The following PAX3 variants were observed in gnomAD, a reference collection of about 807,000 sequenced individuals.
PAX3 encodes the protein paired box protein Pax-3.
Under a neutral mutation model 51.6 loss-of-function variants are expected in PAX3, and 14 were observed. The observed-to-expected ratio is 0.27, with a 90% CI of 0.18 to 0.42. The LOEUF (loss-of-function observed/expected upper bound fraction) is 0.42, where lower values mean the gene tolerates loss of function less well. Among genes scored for constraint, PAX3 ranks in the 10% least tolerant of loss-of-function variants. The probability of loss-of-function intolerance (pLI) is 1.00; values close to 1 mark genes in which losing one functional copy is unlikely to be tolerated. For missense variants in PAX3, 540 were observed against 642.8 expected (o/e 0.84, Z 1.73); for synonymous variants, 280 against 253.4 (o/e 1.11, Z -1.00).
At chr2:222,279,684 T>C (rs1694567094) in intron 4 of PAX3, among the ~76,000 whole-genome samples, 1 of 152,216 alleles carries the variant, frequency 6.6e-6, no homozygotes, top group Non-Finnish European at 1.5e-5. Flanking sequence ...ATTGTCTTAC[T>C]TAATGAATTT....
At chr2:222,266,395 T>G (rs918424744) in intron 4 of PAX3, among the ~76,000 whole-genome samples, 2 of 152,194 alleles carry the variant, frequency 1.3e-5, no homozygotes, top group Non-Finnish European at 1.5e-5. Context: ...TTATCACAAT[T>G]TTATAAGGCA....
At chr2:222,219,900 T>G (rs1692116633) in intron 7 of PAX3, among the ~76,000 whole-genome samples, 1 of 152,162 alleles carries the variant, frequency 6.6e-6, no homozygotes, top group African/African-American at 2.4e-5. Flanking sequence ...CAGCTAAATA[T>G]GAACACAAAG....
intron 2 of PAX3, among the ~76,000 whole-genome samples, chr2:222,295,900 G>A (rs1044032506): frequency 6.6e-6 from 1 of 152,178 alleles, no homozygotes; most frequent in African/African-American, 2.4e-5. Context: ...CCAGACAACC[G>A]GGATAAATTC....
At chr2:222,295,313 C>G (rs1013368300) in intron 3 of PAX3, among the ~76,000 whole-genome samples, 1 of 152,180 alleles carries the variant, frequency 6.6e-6, no homozygotes, top group Non-Finnish European at 1.5e-5. Flanking sequence ...GCGTCCTCAG[C>G]GGTGGTCTCG....
chr2:222,293,926 G>C, intron 4 of PAX3: 1 of 1,402,390 alleles, frequency 7.1e-7, no homozygotes, highest in Admixed American at 3.1e-5. Context: ...CCCAGGGGCT[G>C]AAAGTGGTTA....
intron 7 of PAX3, among the ~76,000 whole-genome samples, chr2:222,206,577 C>T (rs1333852218): frequency 1.3e-5 from 2 of 152,124 alleles, no homozygotes; most frequent in Non-Finnish European, 2.9e-5. Flanking sequence ...TTCTGAAGAT[C>T]TCTTTAAACT....
At position 222,295,567 on chromosome 2, in the gene PAX3, G is replaced by A. The variant is rs1305407286; in HGVS notation, c.412C>T (p.Leu138Phe). ...TTTCGATCACAGACCGCGTCCTTGAGTAATTTGTCTCGGATTTCCCAGCTG... is the reference window on the plus strand; with the variant it reads ...TTTCGATCACAGACCGCGTCCTTGAATAATTTGTCTCGGATTTCCCAGCTG... The part of the protein sequence containing the change: ...MFSWEIRDKL[L>F]KDAVCDRNTV... Residue 138 changes from leucine (L) to phenylalanine (F), a missense_variant, in exon 3 of 9, where the codon CTC becomes TTC. This residue lies in a region of PAX3 where 427 missense variants were observed against 483.6 expected (regional missense o/e 0.88). Coordinates refer to ENST00000392070, the MANE Select transcript of PAX3 (RefSeq NM_181458.4). 6.2e-7 allele frequency: 1 copy of A among 1,614,098 alleles called. No individual in the cohort carries two copies. The highest frequency in any genetic ancestry group is 1.3e-5 in the African/African-American group (1 of 74,932).
chr2:222,272,194 GA>G (rs935423045), intron 4 of PAX3, among the ~76,000 whole-genome samples: 4 of 151,814 alleles, frequency 2.6e-5, no homozygotes, highest in African/African-American at 2.4e-5. Flanking sequence ...ATCTTCAATG[GA>G]AAAAAGAAAA....
chr2:222,235,222 CA>C (rs1175726576), intron 4 of PAX3, among the ~76,000 whole-genome samples: 2 of 152,150 alleles, frequency 1.3e-5, no homozygotes, highest in Non-Finnish European at 2.9e-5. Context: ...CATGGTGTTT[CA>C]CCTTAAAAAT....
At chr2:222,284,974 G>A (rs45598531) in intron 4 of PAX3, among the ~76,000 whole-genome samples, 491 of 152,304 alleles carry the variant, frequency 3.2e-3, no homozygotes, top group Non-Finnish European at 4.1e-3. Flanking sequence ...CTTGGGTACT[G>A]TGTTTTTTAT....
At chr2:222,236,193 G>A (rs1692792056) in intron 4 of PAX3, among the ~76,000 whole-genome samples, 2 of 152,158 alleles carry the variant, frequency 1.3e-5, no homozygotes, top group Admixed American at 1.3e-4. Flanking sequence ...TCATTCAATA[G>A]AAATAAAATT....
intron 4 of PAX3, among the ~76,000 whole-genome samples, chr2:222,244,597 C>T (rs1386976914): frequency 6.6e-6 from 1 of 152,020 alleles, no homozygotes; most frequent in Admixed American, 6.6e-5. Context: ...CATCCTAAGA[C>T]TGAGAGAGAA....
intron 7 of PAX3, among the ~76,000 whole-genome samples, chr2:222,205,230 G>A (rs911679141): frequency 6.6e-6 from 1 of 152,118 alleles, no homozygotes; most frequent in Non-Finnish European, 1.5e-5. Flanking sequence ...AGCCGTATTA[G>A]GGCAATAGAA....
chr2:222,231,400 C>G (rs1032942829), intron 5 of PAX3, among the ~76,000 whole-genome samples: 25 of 152,192 alleles, frequency 1.6e-4, no homozygotes. Flanking sequence ...TCTATAGAAA[C>G]ATATTACATC....
Position 222,224,181 on chromosome 2 carries a change from C to T in PAX3, c.793-2794G>A, listed in dbSNP as rs117506123. Among the ~76,000 whole-genome samples the T allele has an allele frequency of 1.1e-3, 168 of 152,162 alleles. 4 individuals are homozygous for T. In the East Asian group the frequency reaches 0.028, roughly 26 times the overall value. ...CTCACCAGGAGTTGGATTAAAAAGTCCTTATATTTATTATACAGTATCTAT... is the reference window on the plus strand; with the variant it reads ...CTCACCAGGAGTTGGATTAAAAAGTTCTTATATTTATTATACAGTATCTAT... On this transcript the variant is annotated intron_variant, in intron 5 of 8. Coordinates refer to ENST00000392070, the MANE Select transcript of PAX3 (RefSeq NM_181458.4).
intron 4 of PAX3, among the ~76,000 whole-genome samples, chr2:222,246,966 C>T (rs1176521116): frequency 6.6e-6 from 1 of 152,182 alleles, no homozygotes; most frequent in Non-Finnish European, 1.5e-5. Flanking sequence ...TATATGAGGG[C>T]TGAGACAAAT....
intron 4 of PAX3, among the ~76,000 whole-genome samples, chr2:222,259,983 G>A (rs1412830309): frequency 1.3e-5 from 2 of 152,092 alleles, no homozygotes; most frequent in African/African-American, 4.8e-5. Flanking sequence ...CCTGGGCTCA[G>A]TGATCCTCCA....
At chr2:222,221,655 T>C in intron 5 of PAX3, 1 of 425,218 alleles carries the variant, frequency 2.4e-6, no homozygotes, top group East Asian at 4.9e-5. Context: ...CAGGAATCAC[T>C]GAGCAGGAGT....
At chr2:222,284,752 T>TCC (rs201707740) in intron 4 of PAX3, among the ~76,000 whole-genome samples, 98 of 152,134 alleles carry the variant, frequency 6.4e-4, no homozygotes, top group Middle Eastern at 3.4e-3. Context: ...AGAGATTATT[T>TCC]CCCCCCCGAC....
Sources: gnomAD v4.1 joint callset for allele counts (sites outside exome capture counted in the v4.1 genomes callset) on GRCh38, gnomAD v4.1.1 for gene constraint, gnomAD v4.1.1 regional missense constraint, MANE v1.5 for transcripts, NCBI Gene and HGNC (gene_info 2026-07-23, HGNC 2026-07-21) for gene names.